MYO16: variants seen among roughly 807,000 people sequenced by gnomAD.
MYO16 encodes the protein myosin XVI.
A neutral mutation model predicts 205.3 loss-of-function variants in MYO16; 94 were observed. The observed-to-expected ratio is 0.46, with a 90% CI of 0.39 to 0.54. The LOEUF is 0.54. MYO16 is among the 20% of genes least tolerant of loss of function. MYO16 has a pLI of 0.00. For missense variants in MYO16, 2,315 were observed against 2,387.5 expected, an observed-to-expected ratio of 0.97 and a Z score of 0.63; for synonymous variants, 988 against 954.0, an observed-to-expected ratio of 1.04 and a Z score of -0.66.
Position 108,812,534 on chromosome 13 carries a change from A to G in MYO16, c.867+5730A>G, listed in dbSNP as rs138725340. On this transcript the variant is annotated intron_variant, in intron 7 of 34. Transcript: ENST00000457511. Reference sequence around the variant, plus strand: ...GGAGATTTCCATGAGAAACCCAGGCACATGCAAGGGCTTTGGTAGCACTGG... The same window carrying G: ...GGAGATTTCCATGAGAAACCCAGGCGCATGCAAGGGCTTTGGTAGCACTGG... Among the ~76,000 whole-genome samples, 37 of 152,318 alleles carry G rather than the reference A, an allele frequency of 2.4e-4. No homozygotes were observed. The East Asian group carries it at 6.2e-3, about 25-fold the overall frequency.
intron 1 of MYO16, among the ~76,000 whole-genome samples, chr13:108,637,313 G>T (rs1419570234): frequency 1.3e-5 from 2 of 152,084 alleles, no homozygotes; most frequent in Admixed American, 1.3e-4. Flanking sequence ...GGCATCTGTT[G>T]TTCTACTTGG....
chr13:108,619,809 T>A (rs1879476356), intron 1 of MYO16, among the ~76,000 whole-genome samples: 1 of 152,038 alleles, frequency 6.6e-6, no homozygotes, highest in African/African-American at 2.4e-5. Flanking sequence ...TCTCCCTATA[T>A]ACACAACACC....
chr13:108,741,844 T>C (rs931975417), intron 4 of MYO16, among the ~76,000 whole-genome samples: 1 of 152,200 alleles, frequency 6.6e-6, no homozygotes, highest in African/African-American at 2.4e-5. Flanking sequence ...GTTTCTGCAA[T>C]ACATTTTCAC....
chr13:108,560,572 C>T, the MYO16 span, among the ~76,000 whole-genome samples: 1 of 152,142 alleles, frequency 6.6e-6, no homozygotes, highest in Non-Finnish European at 1.5e-5. Flanking sequence ...TCAGATAACA[C>T]TGATTTTTCC....
At chr13:109,018,730 C>G (rs1045696729) in intron 22 of MYO16, among the ~76,000 whole-genome samples, 3 of 152,178 alleles carry the variant, frequency 2.0e-5, no homozygotes, top group African/African-American at 7.2e-5. Flanking sequence ...TCTGTCACGG[C>G]TTCCCTTGGC....
intron 28 of MYO16, among the ~76,000 whole-genome samples, chr13:109,103,931 A>G (rs562295368): frequency 8.5e-4 from 129 of 152,330 alleles, no homozygotes; most frequent in Non-Finnish European, 1.5e-3. Context: ...TACAGAGTAT[A>G]TTACAACTAT....
intron 23 of MYO16, among the ~76,000 whole-genome samples, chr13:109,043,098 GATTA>G (rs1247093124): frequency 1.3e-5 from 2 of 152,202 alleles, no homozygotes; most frequent in Non-Finnish European, 2.9e-5. Context: ...GCTGATGAAA[GATTA>G]GTTAGCATTA....
chr13:109,132,040 G>C (rs1462547730), intron 31 of MYO16, among the ~76,000 whole-genome samples: 1 of 152,222 alleles, frequency 6.6e-6, no homozygotes, highest in African/African-American at 2.4e-5. Flanking sequence ...CAAGCGCACA[G>C]CAAAGTTACA....
chr13:108,778,545 G>A (rs895074889), intron 4 of MYO16, among the ~76,000 whole-genome samples: 6 of 152,170 alleles, frequency 3.9e-5, no homozygotes, highest in Non-Finnish European at 4.4e-5. Context: ...CTTGAACCCG[G>A]GAGGCGAAGG....
chr13:108,893,222 A>G (rs1880253501), intron 14 of MYO16, among the ~76,000 whole-genome samples: 1 of 152,228 alleles, frequency 6.6e-6, no homozygotes, highest in East Asian at 1.9e-4. Flanking sequence ...GGAATTAAAT[A>G]CAAGCATTGA....
At chr13:108,959,172 A>G (rs940317367) in intron 17 of MYO16, among the ~76,000 whole-genome samples, 2 of 152,070 alleles carry the variant, frequency 1.3e-5, no homozygotes, top group Admixed American at 6.5e-5. Flanking sequence ...GGAGCCTGCA[A>G]TCACATGGCA....
chr13:108,996,929 A>T (rs1885019150), intron 21 of MYO16, among the ~76,000 whole-genome samples: 1 of 152,144 alleles, frequency 6.6e-6, no homozygotes. Context: ...CTCCCACTAA[A>T]CACATACATG....
intron 16 of MYO16, among the ~76,000 whole-genome samples, chr13:108,951,190 C>T (rs1011767686): frequency 2.0e-5 from 3 of 152,172 alleles, no homozygotes; most frequent in East Asian, 1.9e-4. Flanking sequence ...GTATGCACCA[C>T]GAACACCTGT....
intron 4 of MYO16, among the ~76,000 whole-genome samples, chr13:108,731,225 T>C (rs1431498382): frequency 6.6e-6 from 1 of 152,258 alleles, no homozygotes; most frequent in African/African-American, 2.4e-5. Context: ...CATGCATTGC[T>C]GTTTGTTAAA....
intron 20 of MYO16, among the ~76,000 whole-genome samples, chr13:108,968,827 A>G (rs957042720): frequency 2.8e-4 from 43 of 152,296 alleles, no homozygotes; most frequent in Non-Finnish European, 4.7e-4. Flanking sequence ...TTGGAGGAGC[A>G]GAGGCCATGA....
chr13:108,795,394 G>C (rs1319135573), intron 6 of MYO16, among the ~76,000 whole-genome samples: 1 of 152,014 alleles, frequency 6.6e-6, no homozygotes, highest in East Asian at 1.9e-4. Context: ...ATTTTTATTA[G>C]AGACGGGGTT....
intron 10 of MYO16, among the ~76,000 whole-genome samples, chr13:108,852,658 C>T (rs942778959): frequency 2.0e-5 from 3 of 152,136 alleles, no homozygotes; most frequent in African/African-American, 4.8e-5. Context: ...CACACTCACC[C>T]GCATCCCTCC....
chr13:108,636,361 TTTTTTTTTTG>T (rs1213373190), intron 1 of MYO16, among the ~76,000 whole-genome samples: 8 of 95,426 alleles, frequency 8.4e-5, no homozygotes, highest in African/African-American at 2.9e-4. Flanking sequence ...TTTTTTTTTT[TTTTTTTTTTG>T]TGTGTGTGTG....
At chr13:108,894,838 T>A (rs1880336256) in intron 14 of MYO16, among the ~76,000 whole-genome samples, 1 of 152,200 alleles carries the variant, frequency 6.6e-6, no homozygotes, top group African/African-American at 2.4e-5. Flanking sequence ...TAGGAAGGGC[T>A]GTTTTGTTTC....
Sources: gnomAD v4.1 joint callset for allele counts (sites outside exome capture counted in the v4.1 genomes callset) on GRCh38, gnomAD v4.1.1 for gene constraint, MANE v1.5 for transcripts, NCBI Gene and HGNC (gene_info 2026-07-23, HGNC 2026-07-21) for gene names.